The following LRP1B variants were observed in gnomAD, a reference collection of about 807,000 sequenced individuals.
LRP1B encodes LDL receptor related protein 1B.
LRP1B carries 217 observed loss-of-function variants against 556.6 expected under a neutral mutation model. That is an observed-to-expected ratio of 0.39 (90% CI 0.35 to 0.44). LRP1B has a LOEUF of 0.44. Ranked by LOEUF, LRP1B falls within the 20% of genes least tolerant of loss-of-function variation. The probability of loss-of-function intolerance (pLI) is 1.00; values close to 1 mark genes in which losing one functional copy is unlikely to be tolerated. For missense variants in LRP1B, 5,053 were observed against 5,620.8 expected, an observed-to-expected ratio of 0.90 and a Z score of 3.23; for synonymous variants, 2,047 against 1,865.8, an observed-to-expected ratio of 1.10 and a Z score of -2.50.
chr2:141,087,789 G>A (rs991990867), intron 7 of LRP1B, among the ~76,000 whole-genome samples: 1 of 152,204 alleles, frequency 6.6e-6, no homozygotes, highest in African/African-American at 2.4e-5. Flanking sequence ...AGGTGTCTGC[G>A]AAATGCAGAG....
Position 141,025,985 on chromosome 2 carries a change from A to T in LRP1B, c.1790-5883T>A, listed in dbSNP as rs996075531. Among the ~76,000 whole-genome samples the T allele has an allele frequency of 2.4e-4, 36 of 152,058 alleles. 1 individual carries two copies. The highest frequency in any genetic ancestry group is 8.2e-4 in the African/African-American group (34 of 41,444). On this transcript the variant is annotated intron_variant, in intron 11 of 90. Transcript: ENST00000389484. ...AGATCATTGTACAATATTCCACTAA[A>T]ATTCTTTGGATAATATTAGAGTCTT...
intron 16 of LRP1B, among the ~76,000 whole-genome samples, chr2:140,990,341 A>T (rs918838713): frequency 1.3e-5 from 2 of 152,262 alleles, no homozygotes; most frequent in Admixed American, 1.3e-4. Context: ...ACAAGTATGT[A>T]TTGAAAATAA....
intron 13 of LRP1B, among the ~76,000 whole-genome samples, chr2:141,015,381 A>G (rs1299168019): frequency 6.6e-6 from 1 of 152,096 alleles, no homozygotes; most frequent in East Asian, 1.9e-4. Context: ...ATTTTAATAG[A>G]GTGGGGTTGC....
chr2:141,871,896 C>T (rs1485950257), intron 1 of LRP1B, among the ~76,000 whole-genome samples: 1 of 151,824 alleles, frequency 6.6e-6, no homozygotes. Flanking sequence ...CTAAACACTT[C>T]AAATGATGTG....
chr2:140,511,503 G>A (rs1013724895), intron 51 of LRP1B, among the ~76,000 whole-genome samples: 5 of 151,856 alleles, frequency 3.3e-5, no homozygotes, highest in African/African-American at 7.3e-5. Flanking sequence ...GGGTTTCACT[G>A]TGTTAGCCAG....
At chr2:141,788,769 A>G (rs6751303) in intron 2 of LRP1B, among the ~76,000 whole-genome samples, 11,361 of 144,446 alleles carry the variant, frequency 0.079, 1,502 homozygotes, top group African/African-American at 0.27. Context: ...ATTCCCACCT[A>G]TGAGCGAGAA....
At chr2:141,299,797 A>G (rs1041086324) in intron 3 of LRP1B, among the ~76,000 whole-genome samples, 9 of 152,216 alleles carry the variant, frequency 5.9e-5, no homozygotes, top group African/African-American at 1.9e-4. Context: ...ACTTATATCA[A>G]GTGGCTGAAT....
At chr2:140,665,410 G>C (rs142320277) in intron 41 of LRP1B, among the ~76,000 whole-genome samples, 2,017 of 152,212 alleles carry the variant, frequency 0.013, 27 homozygotes, top group Non-Finnish European at 0.02. Flanking sequence ...CTACAACATA[G>C]ACTCTATGAA....
chr2:141,651,684 T>G (rs922135553), intron 2 of LRP1B, among the ~76,000 whole-genome samples: 7 of 152,108 alleles, frequency 4.6e-5, no homozygotes, highest in Non-Finnish European at 8.8e-5. Flanking sequence ...ATAATGATAA[T>G]AAATGCATGA....
intron 35 of LRP1B, among the ~76,000 whole-genome samples, chr2:140,719,819 T>G (rs139771881): frequency 6.6e-6 from 1 of 152,164 alleles, no homozygotes; most frequent in Admixed American, 6.6e-5. Flanking sequence ...ACCAAGAGTA[T>G]AGAAGAATTA....
At chr2:140,363,749 C>A (rs1384382100) in intron 72 of LRP1B, among the ~76,000 whole-genome samples, 3 of 151,404 alleles carry the variant, frequency 2.0e-5, no homozygotes, top group South Asian at 2.1e-4. Flanking sequence ...TTTTTCCCTG[C>A]ACTTTTGTAT....
At position 140,702,183 on chromosome 2, in the gene LRP1B, A is replaced by G. The variant is rs2105428336; in HGVS notation, c.6260T>C (p.Phe2087Ser). 2.5e-6 allele frequency: 4 copies of G among 1,613,692 alleles called. No homozygotes were observed. Among genetic ancestry groups the G allele is most frequent in the Non-Finnish European group, 3.4e-6 (4 of 1,179,782 alleles). ...MVLSGSNVDM[F>S]SVAVFGAYIY... ...GTAAGCCCCAAAGACTGCAACTGAAAACATATCCACATTGCTTCCTGACAG... is the reference window on the plus strand; with the variant it reads ...GTAAGCCCCAAAGACTGCAACTGAAGACATATCCACATTGCTTCCTGACAG... Residue 2087 changes from phenylalanine to serine, a missense_variant, in exon 39 of 91, where the codon TTT (phenylalanine) becomes TCT (serine). By Grantham distance (155) the Phe-to-Ser change is radical. Transcript: ENST00000389484.
chr2:142,032,556 C>T (rs1014295266), intron 1 of LRP1B, among the ~76,000 whole-genome samples: 5 of 151,812 alleles, frequency 3.3e-5, no homozygotes, highest in African/African-American at 1.2e-4. Context: ...CTAGTACAAA[C>T]CAATTTTAAC....
At chr2:141,996,838 A>G (rs1268414167) in intron 1 of LRP1B, among the ~76,000 whole-genome samples, 1 of 152,140 alleles carries the variant, frequency 6.6e-6, no homozygotes, top group East Asian at 1.9e-4. Context: ...ATTTAGTAAA[A>G]TGTCAGAGAG....
At chr2:141,325,147 T>C (rs1035933009) in intron 3 of LRP1B, among the ~76,000 whole-genome samples, 2 of 152,056 alleles carry the variant, frequency 1.3e-5, no homozygotes, top group African/African-American at 4.8e-5. Context: ...AATTACTGGA[T>C]TACAGTAATA....
chr2:142,117,580 T>A (rs899285104), intron 1 of LRP1B, among the ~76,000 whole-genome samples: 1 of 152,074 alleles, frequency 6.6e-6, no homozygotes, highest in African/African-American at 2.4e-5. Flanking sequence ...CTTTATTGGT[T>A]CCCACAATGG....
At chr2:140,556,000 G>A in intron 43 of LRP1B, among the ~76,000 whole-genome samples, 1 of 152,026 alleles carries the variant, frequency 6.6e-6, no homozygotes, top group South Asian at 2.1e-4. Flanking sequence ...AACTGCAGCT[G>A]TTACAAGTAG....
At chr2:142,035,195 A>G (rs1703836886) in intron 1 of LRP1B, among the ~76,000 whole-genome samples, 1 of 151,730 alleles carries the variant, frequency 6.6e-6, no homozygotes, top group Non-Finnish European at 1.5e-5. Flanking sequence ...AAAGATGCTG[A>G]TGCTGAGTTG....
chr2:142,017,747 C>A (rs117217691), intron 1 of LRP1B, among the ~76,000 whole-genome samples: 1 of 151,912 alleles, frequency 6.6e-6, no homozygotes, highest in Non-Finnish European at 1.5e-5. Context: ...CTTAGCCGGG[C>A]GTGGTGGCAC....
Sources: gnomAD v4.1 joint callset for allele counts (sites outside exome capture counted in the v4.1 genomes callset) on GRCh38, gnomAD v4.1.1 for gene constraint, MANE v1.5 for transcripts, NCBI Gene and HGNC (gene_info 2026-07-23, HGNC 2026-07-21) for gene names.